PDE4B: variants seen among roughly 807,000 people sequenced by gnomAD.
PDE4B encodes the protein phosphodiesterase 4B.
In PDE4B, 20 loss-of-function variants were observed where a neutral mutation model predicts 82.2. That is an observed-to-expected ratio of 0.24 (90% CI 0.17 to 0.35). The LOEUF is 0.35. Ranked by LOEUF, PDE4B falls within the 10% of genes least tolerant of loss-of-function variation. PDE4B has a pLI of 1.00. For missense variants in PDE4B, 655 were observed against 907.2 expected, an observed-to-expected ratio of 0.72 and a Z score of 3.57; for synonymous variants, 320 against 318.9, an observed-to-expected ratio of 1.00 and a Z score of -0.04.
rs774089148 is a variant in PDE4B at position 66,265,997 on chromosome 1, T to C, written c.585-41T>C. ...GGTGTCGGGGGTGGAATGGGCAGTT[T>C]TGATACACAGACTCAGTCCTTCTTT... On this transcript the variant is annotated intron_variant, in intron 6 of 16. Coordinates refer to ENST00000341517, the MANE Select transcript of PDE4B (RefSeq NM_002600.4). 1.9e-6 allele frequency: 3 copies of C among 1,546,970 alleles called. No individual in the cohort carries two copies. In the South Asian group the frequency reaches 3.3e-5, roughly 17 times the overall value.
chr1:66,179,402 A>G (rs1355069069), intron 3 of PDE4B, among the ~76,000 whole-genome samples: 1 of 152,226 alleles, frequency 6.6e-6, no homozygotes, highest in Non-Finnish European at 1.5e-5. Flanking sequence ...GAGGGTAGGA[A>G]GTGAACACAG....
At chr1:65,921,114 G>C (rs1211164622) in intron 3 of PDE4B, among the ~76,000 whole-genome samples, 1 of 150,366 alleles carries the variant, frequency 6.7e-6, no homozygotes, top group East Asian at 2.0e-4. Context: ...GACTACAGGC[G>C]CCTGCCACTA....
intron 7 of PDE4B, among the ~76,000 whole-genome samples, chr1:66,329,906 G>C (rs1659990194): frequency 6.6e-6 from 1 of 152,154 alleles, no homozygotes; most frequent in Non-Finnish European, 1.5e-5. Context: ...AGGATGCTTA[G>C]GCAATTTGGT....
intron 3 of PDE4B, among the ~76,000 whole-genome samples, chr1:66,039,403 A>G (rs925481586): frequency 6.6e-6 from 1 of 152,100 alleles, no homozygotes; most frequent in African/African-American, 2.4e-5. Context: ...CAAGACATAG[A>G]GAATTCATGG....
chr1:66,043,435 C>T (rs1654504117), intron 3 of PDE4B, among the ~76,000 whole-genome samples: 1 of 151,690 alleles, frequency 6.6e-6, no homozygotes, highest in South Asian at 2.1e-4. Flanking sequence ...CAGTGCAGAA[C>T]TCAGCAGTTT....
chr1:65,909,343 A>T (rs1425874369), intron 1 of PDE4B, among the ~76,000 whole-genome samples: 1 of 152,154 alleles, frequency 6.6e-6, no homozygotes, highest in Non-Finnish European at 1.5e-5. Flanking sequence ...CATGATATAG[A>T]ATTTTAAAAT....
intron 3 of PDE4B, among the ~76,000 whole-genome samples, chr1:66,190,471 G>A (rs559767933): frequency 6.6e-6 from 1 of 152,190 alleles, no homozygotes; most frequent in East Asian, 1.9e-4. Context: ...TTGAGCTGTG[G>A]TGGGCTCCAC....
intron 8 of PDE4B, among the ~76,000 whole-genome samples, chr1:66,343,954 T>G (rs939081784): frequency 1.3e-5 from 2 of 152,148 alleles, no homozygotes; most frequent in African/African-American, 4.8e-5. Flanking sequence ...TGTATGATGG[T>G]GAGAAGCTAG....
intron 6 of PDE4B, among the ~76,000 whole-genome samples, chr1:66,260,291 C>G (rs976332504): frequency 9.2e-5 from 14 of 152,174 alleles, no homozygotes; most frequent in African/African-American, 3.4e-4. Context: ...AACCTGTAAT[C>G]CTGACTGTCA....
intron 3 of PDE4B, among the ~76,000 whole-genome samples, chr1:66,201,309 T>C (rs1407094608): frequency 6.6e-6 from 1 of 152,118 alleles, no homozygotes; most frequent in Non-Finnish European, 1.5e-5. Context: ...AAAATTCTCT[T>C]TTTTGGTTGT....
chr1:66,037,083 A>G (rs1654105703), intron 3 of PDE4B, among the ~76,000 whole-genome samples: 1 of 151,058 alleles, frequency 6.6e-6, no homozygotes, highest in South Asian at 2.1e-4. Context: ...CAGTGAGCCA[A>G]GATCACACCA....
chr1:65,937,043 C>T (rs1168001870), intron 3 of PDE4B, among the ~76,000 whole-genome samples: 1 of 152,110 alleles, frequency 6.6e-6, no homozygotes, highest in Non-Finnish European at 1.5e-5. Flanking sequence ...TTCAGGTTTC[C>T]TTATGGTGGA....
At chr1:66,028,264 A>G (rs1653563043) in intron 3 of PDE4B, among the ~76,000 whole-genome samples, 1 of 152,198 alleles carries the variant, frequency 6.6e-6, no homozygotes, top group Admixed American at 6.5e-5. Context: ...CTCTGAAGCC[A>G]CAGCCTGAGC....
At chr1:66,042,845 T>C (rs1310882298) in intron 3 of PDE4B, 1 of 151,832 alleles carries the variant, frequency 6.6e-6, no homozygotes, top group Non-Finnish European at 1.5e-5. Flanking sequence ...AATTTTTGAC[T>C]CTCTAATATC....
At chr1:66,228,396 G>A (rs564580836) in intron 3 of PDE4B, among the ~76,000 whole-genome samples, 148 of 152,040 alleles carry the variant, frequency 9.7e-4, no homozygotes, top group Non-Finnish European at 1.7e-3. Context: ...AGGCCAAGGC[G>A]GGCGGATCAC....
At chr1:66,136,475 C>T (rs1646057225) in intron 3 of PDE4B, among the ~76,000 whole-genome samples, 1 of 151,870 alleles carries the variant, frequency 6.6e-6, no homozygotes, top group African/African-American at 2.4e-5. Context: ...TTTGGGAGGC[C>T]AAGGCGGGCA....
chr1:66,123,825 T>C (rs1645763958), intron 3 of PDE4B, among the ~76,000 whole-genome samples: 1 of 152,204 alleles, frequency 6.6e-6, no homozygotes, highest in Non-Finnish European at 1.5e-5. Flanking sequence ...TCCCTTAGCC[T>C]ACCAGTGGCT....
chr1:66,201,819 T>C (rs1333196569), intron 3 of PDE4B, among the ~76,000 whole-genome samples: 1 of 152,096 alleles, frequency 6.6e-6, no homozygotes, highest in Non-Finnish European at 1.5e-5. Context: ...TTGATTTTTT[T>C]GAAGGGTTTT....
intron 7 of PDE4B, among the ~76,000 whole-genome samples, chr1:66,278,699 T>A (rs913077867): frequency 1.3e-5 from 2 of 152,216 alleles, no homozygotes; most frequent in African/African-American, 4.8e-5. Context: ...TTTTCACATA[T>A]TTGTAAGCTC....
Sources: gnomAD v4.1 joint callset for allele counts (sites outside exome capture counted in the v4.1 genomes callset) on GRCh38, gnomAD v4.1.1 for gene constraint, MANE v1.5 for transcripts, NCBI Gene and HGNC (gene_info 2026-07-23, HGNC 2026-07-21) for gene names.